Variants in PEX26 observed in about 807,000 individuals in gnomAD.
PEX26 encodes peroxisomal biogenesis factor 26, also known as peroxisome assembly protein 26.
PEX26 carries 18 observed loss-of-function variants against 31.4 expected under a neutral mutation model. The observed-to-expected ratio is 0.57, with a 90% CI of 0.40 to 0.85. The LOEUF (loss-of-function observed/expected upper bound fraction) is 0.85. Among genes scored for constraint, PEX26 ranks in the 40% least tolerant of loss-of-function variants. PEX26 has a pLI of 0.00. For missense variants in PEX26, 377 were observed against 383.9 expected (o/e 0.98, Z 0.15); for synonymous variants, 176 against 166.9 (o/e 1.05, Z -0.42).
intron 2 of PEX26, among the ~76,000 whole-genome samples, chr22:18,081,314 G>A (rs1376784560): frequency 1.4e-5 from 2 of 145,906 alleles, no homozygotes; most frequent in East Asian, 3.9e-4. Context: ...CACTTAGGTT[G>A]ATTCCATATC....
In PEX26 at chr22:18,100,377, CTCTT is replaced by C. The variant is rs1271084461; in HGVS notation, c.*12306_*12309del. The C allele has an allele frequency of 6.6e-6, 1 of 151,848 alleles. No individual in the cohort carries two copies. The highest frequency in any genetic ancestry group is 2.4e-5 in the African/African-American group (1 of 41,346). 9.4% of individuals were successfully genotyped at this position (151,848 alleles called of 1,614,324 possible). A position where few individuals can be genotyped will look rare whatever the true frequency, so the allele number is the denominator to read the frequency against. ...GGCGTGAGCCACCATGCCTGGCCAG[CTCTT>C]TCTAACTAAAAAATAATAATAATAA... On this transcript the variant is annotated 3_prime_UTR_variant, in exon 5 of 5. Coordinates refer to ENST00000399744, the MANE Select transcript of PEX26 (RefSeq NM_001127649.3).
Position 18,083,643 on chromosome 22 carries a change from T to A in PEX26, c.578T>A (p.Leu193Gln). The A allele has an allele frequency of 6.2e-7, 1 of 1,614,116 alleles. No individual in the cohort carries two copies. The highest frequency in any genetic ancestry group is 8.5e-7 in the Non-Finnish European group (1 of 1,180,034). ...GCAGCCTTTGGTGAGGAGCGGCGAC[T>A]GGATGTACTTCAGGCCATTCACACA... Reference protein sequence around the residue: ...GSAAFGEERRLDVLQAIHTAR... With the variant: ...GSAAFGEERRQDVLQAIHTAR... The change falls in exon 3 of 5, where the codon CTG (leucine) becomes CAG (glutamine). Residue 193 changes from leucine to glutamine, a missense_variant. By Grantham distance (113) the Leu-to-Gln change is moderately radical (BLOSUM62 -2). Transcript: ENST00000399744.
chr22:18,083,583 G>A lies in PEX26; in HGVS notation c.518G>A (p.Cys173Tyr). The A allele has an allele frequency of 1.2e-6, 2 of 1,614,124 alleles. No individual in the cohort carries two copies. The highest frequency in any genetic ancestry group is 1.7e-5 in the Admixed American group (1 of 60,026). ...CAGCGGGTGCTGCTGCCTCTGGGCT[G>A]CTTATCGGAGGCTGAGGAGCTAGTG... ...HVQRVLLPLG[C>Y]LSEAEELVVG... The change falls in exon 3 of 5, where the codon TGC (cysteine) becomes TAC (tyrosine). Residue 173 changes from cysteine to tyrosine, a missense_variant. Transcript: ENST00000399744.
Position 18,104,850 on chromosome 22 carries a change from C to T in PEX26, c.*16775C>T, listed in dbSNP as rs932971235. 3 of 152,156 alleles carry T rather than the reference C, an allele frequency of 2.0e-5. No homozygotes were observed. The highest frequency in any genetic ancestry group is 2.0e-4 in the Admixed American group (3 of 15,246). 9.4% of individuals were successfully genotyped at this position (152,156 alleles called of 1,614,324 possible). On this transcript the variant is annotated 3_prime_UTR_variant, in exon 5 of 5. Transcript: ENST00000399744. The stretch of plus-strand genomic sequence containing the variant: ...ATTGCGGCTGCTGCAGCCATGTAAA[C>T]CTTAAAGGCGAGCCAATTTGTTTGT...
rs1927570371 is a variant in PEX26, at chr22:18,104,851, CT to C, written c.*16778del. On this transcript the variant is annotated 3_prime_UTR_variant, in exon 5 of 5. Coordinates refer to ENST00000399744, the MANE Select transcript of PEX26 (RefSeq NM_001127649.3). ...TTGCGGCTGCTGCAGCCATGTAAACCTTAAAGGCGAGCCAATTTGTTTGTGA... is the reference window on the plus strand; with the variant it reads ...TTGCGGCTGCTGCAGCCATGTAAACCTAAAGGCGAGCCAATTTGTTTGTGA... 6.6e-6 allele frequency: 1 copy of C among 152,152 alleles called. No homozygotes were observed. The highest frequency in any genetic ancestry group is 1.5e-5 in the Non-Finnish European group (1 of 68,052). 9.4% of individuals were successfully genotyped at this position (152,152 alleles called of 1,614,324 possible).
In PEX26 at chr22:18,099,942, T is replaced by A. The variant is rs1927403393; in HGVS notation, c.*11867T>A. 1 of 152,230 alleles carries A rather than the reference T, an allele frequency of 6.6e-6. No individual in the cohort carries two copies. Among genetic ancestry groups the A allele is most frequent in the Admixed American group, 6.5e-5 (1 of 15,276 alleles). The allele number at this position is 152,230 out of a possible 1,614,324, so 9.4% of individuals were successfully genotyped here. On this transcript the variant is annotated 3_prime_UTR_variant, in exon 5 of 5. Coordinates refer to ENST00000399744, the MANE Select transcript of PEX26 (RefSeq NM_001127649.3). ...GTCCTCAATTACATCAAGATCCTTA[T>A]TCCAAATAATGTCACATTCTGAGAT... is the stretch of plus-strand genomic sequence containing the variant.
At chr22:18,083,116 T>C (rs998946257) in intron 2 of PEX26, among the ~76,000 whole-genome samples, 5 of 152,212 alleles carry the variant, frequency 3.3e-5, no homozygotes, top group African/African-American at 1.2e-4. Flanking sequence ...CCTTTCCAAT[T>C]TGGATACCTT....
intron 4 of PEX26, among the ~76,000 whole-genome samples, chr22:18,086,970 C>T (rs187370555): frequency 1.3e-4 from 20 of 151,170 alleles, no homozygotes; most frequent in Admixed American, 8.6e-4. Flanking sequence ...TGGAGTGCAC[C>T]GGCGTGATCT....
At position 18,102,131 on chromosome 22, in the gene PEX26, G is replaced by T. The variant is rs1257492576; in HGVS notation, c.*14056G>T. 1 of 152,238 alleles carries T rather than the reference G, an allele frequency of 6.6e-6. No individual in the cohort carries two copies. The allele number at this position is 152,238 out of a possible 1,614,324, so 9.4% of individuals were successfully genotyped here. A position where few individuals can be genotyped will look rare whatever the true frequency, so the allele number is the denominator to read the frequency against. ...GGGACAAAGAGGACTCATGATAGTGGGTTATTCCACACTGTTGACACACTG... is the reference window on the plus strand; with the variant it reads ...GGGACAAAGAGGACTCATGATAGTGTGTTATTCCACACTGTTGACACACTG... On this transcript the variant is annotated 3_prime_UTR_variant, in exon 5 of 5. Coordinates refer to ENST00000399744, the MANE Select transcript of PEX26 (RefSeq NM_001127649.3).
In PEX26 at chr22:18,102,197, A is replaced by ATGG. The variant is rs1927470712; in HGVS notation, c.*14123_*14125dup. On this transcript the variant is annotated 3_prime_UTR_variant, in exon 5 of 5. Transcript: ENST00000399744. ...AAGGGCCTCAGGTGGAATGCTGGGC[A>ATGG]TGGGTTTGCCCCACAGCAGTCTGAT... 1.3e-5 allele frequency: 2 copies of ATGG among 152,274 alleles called. No individual in the cohort carries two copies. The highest frequency in any genetic ancestry group is 4.8e-5 in the African/African-American group (2 of 41,456). The allele number at this position is 152,274 out of a possible 1,614,324, so 9.4% of individuals were successfully genotyped here. A position where few individuals can be genotyped will look rare whatever the true frequency, so the allele number is the denominator to read the frequency against.
rs1927250598 is a variant in PEX26, at chr22:18,095,023, C to G, written c.*6948C>G. On this transcript the variant is annotated 3_prime_UTR_variant, in exon 5 of 5. Coordinates refer to ENST00000399744, the MANE Select transcript of PEX26 (RefSeq NM_001127649.3). ...ACCAGGATTTCTGTTCTTATCTCCCCCATAGCACCTGGAATGAGGCCATCC... is the reference window on the plus strand; with the variant it reads ...ACCAGGATTTCTGTTCTTATCTCCCGCATAGCACCTGGAATGAGGCCATCC... The G allele has an allele frequency of 6.6e-6, 1 of 152,102 alleles. No individual in the cohort carries two copies. The highest frequency in any genetic ancestry group is 2.4e-5 in the African/African-American group (1 of 41,388). 9.4% of individuals were successfully genotyped at this position (152,102 alleles called of 1,614,324 possible).
In PEX26 at chr22:18,099,041, T is replaced by A. The variant is rs1268063983; in HGVS notation, c.*10966T>A. On this transcript the variant is annotated 3_prime_UTR_variant, in exon 5 of 5. Coordinates refer to ENST00000399744, the MANE Select transcript of PEX26 (RefSeq NM_001127649.3). ...ACCAAAAAATGACATGCTGTCTGCC[T>A]TACCTTTTAGTGATGATTTGTAGGA... 1 of 152,216 alleles carries A rather than the reference T, an allele frequency of 6.6e-6. No individual in the cohort carries two copies. The highest frequency in any genetic ancestry group is 1.5e-5 in the Non-Finnish European group (1 of 68,040). 9.4% of individuals were successfully genotyped at this position (152,216 alleles called of 1,614,324 possible).
chr22:18,088,113 C>A lies in PEX26; in HGVS notation c.*38C>A. 1.5e-6 allele frequency: 2 copies of A among 1,353,420 alleles called. No individual in the cohort carries two copies. The highest frequency in any genetic ancestry group is 2.1e-6 in the Non-Finnish European group (2 of 946,050). The allele number at this position is 1,353,420 out of a possible 1,614,324, so 83.8% of individuals were successfully genotyped here. ...ACCACAGCCTCTCTGCTCCTCACGT[C>A]CGTGGCCACAGAAGCAGAGCGACAG... On this transcript the variant is annotated 3_prime_UTR_variant, in exon 5 of 5. Coordinates refer to ENST00000399744, the MANE Select transcript of PEX26 (RefSeq NM_001127649.3). The surrounding 1 kb of genome is among the most constrained non-coding windows in gnomAD (Gnocchi z 4.1).
chr22:18,080,017 A>G lies in PEX26; in HGVS notation c.371+3A>G. On this transcript the variant is annotated splice_donor_region_variant and intron_variant, in intron 2 of 4. Transcript: ENST00000399744. Reference sequence around the variant, plus strand: ...CCCCCCAAAGTCCTGGAGCTGTGGTAAGTCTTCTTTGCTGACTCATCAGAT... The same window carrying G: ...CCCCCCAAAGTCCTGGAGCTGTGGTGAGTCTTCTTTGCTGACTCATCAGAT... The G allele has an allele frequency of 6.2e-7, 1 of 1,614,080 alleles. No homozygotes were observed. Among genetic ancestry groups the G allele is most frequent in the Non-Finnish European group, 8.5e-7 (1 of 1,180,000 alleles).
chr22:18,097,142 G>A lies in PEX26; in HGVS notation c.*9067G>A, dbSNP rs1258905391. The A allele has an allele frequency of 6.6e-6, 1 of 152,134 alleles. No homozygotes were observed. The highest frequency in any genetic ancestry group is 2.4e-5 in the African/African-American group (1 of 41,414). 9.4% of individuals were successfully genotyped at this position (152,134 alleles called of 1,614,324 possible). A position where few individuals can be genotyped will look rare whatever the true frequency, so the allele number is the denominator to read the frequency against. The stretch of plus-strand genomic sequence containing the variant: ...TCACCTCCCACCAGGTCCCTCCTCC[G>A]ACGTGGGGATTACAGTTTGAGATGA... On this transcript the variant is annotated 3_prime_UTR_variant, in exon 5 of 5. Coordinates refer to ENST00000399744, the MANE Select transcript of PEX26 (RefSeq NM_001127649.3).
At chr22:18,083,766 T>C (rs1210443338) in intron 3 of PEX26, 34 bp downstream of exon 3, 2 of 1,607,414 alleles carry the variant, frequency 1.2e-6, no homozygotes, top group East Asian at 2.2e-5. Flanking sequence ...CTCTGTAAAG[T>C]GGACTTGCGG....
intron 4 of PEX26, among the ~76,000 whole-genome samples, chr22:18,086,632 T>A (rs1403028839): frequency 6.6e-6 from 1 of 152,222 alleles, no homozygotes; most frequent in African/African-American, 2.4e-5. Context: ...GAAGCCAAAC[T>A]TGGCACTCGC....
rs1056643383 is a variant in PEX26 at position 18,090,246 on chromosome 22, G to A, written c.*2171G>A. ...CTACCCTAGATAAAACGCTTCAATG[G>A]CTTCCCATGGCTCACTGGATAACAT... On this transcript the variant is annotated 3_prime_UTR_variant, in exon 5 of 5. Coordinates refer to ENST00000399744, the MANE Select transcript of PEX26 (RefSeq NM_001127649.3). 6.6e-6 allele frequency: 1 copy of A among 152,162 alleles called. No individual in the cohort carries two copies. The highest frequency in any genetic ancestry group is 2.1e-4 in the South Asian group (1 of 4,826). 9.4% of individuals were successfully genotyped at this position (152,162 alleles called of 1,614,324 possible). A position where few individuals can be genotyped will look rare whatever the true frequency, so the allele number is the denominator to read the frequency against.
chr22:18,095,876 G>C lies in PEX26; in HGVS notation c.*7801G>C, dbSNP rs528100850. 1 of 152,230 alleles carries C rather than the reference G, an allele frequency of 6.6e-6. No individual in the cohort carries two copies. The highest frequency in any genetic ancestry group is 1.5e-5 in the Non-Finnish European group (1 of 68,034). 9.4% of individuals were successfully genotyped at this position (152,230 alleles called of 1,614,324 possible). On this transcript the variant is annotated 3_prime_UTR_variant, in exon 5 of 5. Coordinates refer to ENST00000399744, the MANE Select transcript of PEX26 (RefSeq NM_001127649.3). ...CTCACTCTGTCGTCCAAGCTGGAGG[G>C]CAGTGGCATGATCTCGACACACTGC... is the stretch of plus-strand genomic sequence containing the variant.
Sources: gnomAD v4.1 joint callset for allele counts (sites outside exome capture counted in the v4.1 genomes callset) on GRCh38, gnomAD v4.1.1 for gene constraint, Gnocchi (gnomAD v3.1) non-coding constraint, MANE v1.5 for transcripts, NCBI Gene and HGNC (gene_info 2026-07-23, HGNC 2026-07-21) for gene names.